AFF2: variants seen among roughly 807,000 people sequenced by gnomAD.
AFF2 encodes the protein ALF transcription elongation factor 2.
In AFF2, 14 loss-of-function variants were observed where a neutral mutation model predicts 76.9. The ratio of observed to expected loss-of-function variants is 0.18; its 90% confidence interval spans 0.12 to 0.28. AFF2 has a LOEUF of 0.28. AFF2 is among the 10% of genes least tolerant of loss of function. The pLI is 1.00. For missense variants in AFF2, 868 were observed against 1,001.1 expected, an observed-to-expected ratio of 0.87 and a Z score of 1.79; for synonymous variants, 398 against 366.7, an observed-to-expected ratio of 1.09 and a Z score of -0.98.
intron 7 of AFF2, among the ~76,000 whole-genome samples, chrX:148,872,056 G>C (rs145238859): frequency 0.012 from 1,366 of 111,024 alleles, 25 homozygotes; most frequent in African/African-American, 0.042. Context: ...GGCCACTGTG[G>C]ATTGCCAGAC....
intron 3 of AFF2, among the ~76,000 whole-genome samples, chrX:148,705,755 T>A (rs1364428978): frequency 8.9e-6 from 1 of 111,976 alleles, no homozygotes; most frequent in Non-Finnish European, 1.9e-5. Flanking sequence ...AATGTGTGCC[T>A]CATCTTGAGT....
intron 19 of AFF2, among the ~76,000 whole-genome samples, chrX:148,983,953 C>CAAAGAAAAAAAAAAAAAAAAAAAAA (rs2072427620): frequency 3.4e-5 from 1 of 29,124 alleles, no homozygotes; most frequent in Non-Finnish European, 5.9e-5. Flanking sequence ...GTGAAATAGA[C>CAAAGAAAAAAAAAAAAAAAAAAAAA]AAAAAAAAAA....
At chrX:148,636,799 AG>A (rs781936510) in intron 1 of AFF2, among the ~76,000 whole-genome samples, 5 of 102,132 alleles carry the variant, frequency 4.9e-5, no homozygotes, top group Non-Finnish European at 1.0e-4. Flanking sequence ...ACCTATTGTA[AG>A]TACCTTGGGA....
chrX:148,693,818 A>C (rs1369319781), intron 3 of AFF2, among the ~76,000 whole-genome samples: 1 of 112,271 alleles, frequency 8.9e-6, no homozygotes, highest in Non-Finnish European at 1.9e-5. Context: ...ACCTGGCAAC[A>C]AGTTATTATG....
chrX:148,887,533 T>G (rs1302886261), intron 8 of AFF2, among the ~76,000 whole-genome samples: 2 of 112,406 alleles, frequency 1.8e-5, no homozygotes, highest in Non-Finnish European at 1.9e-5. Flanking sequence ...TAATCTACTT[T>G]TTAACTTATA....
Position 148,991,894 on chromosome X carries a change from A to G in AFF2, c.*562A>G, listed in dbSNP as rs782561038. The G allele has an allele frequency of 8.9e-6, 1 of 112,572 alleles. No individual in the cohort carries two copies. The highest frequency in any genetic ancestry group is 3.7e-4 in the South Asian group (1 of 2,699). The allele number at this position is 112,572 out of a possible 1,213,427, so 9.3% of individuals were successfully genotyped here. On this transcript the variant is annotated 3_prime_UTR_variant, in exon 21 of 21. Coordinates refer to ENST00000370460, the MANE Select transcript of AFF2 (RefSeq NM_002025.4). ...ACATCATAAAATCAAGAGTATCAAG[A>G]AAATAAATGAGCATAGCAATGCTAC...
intron 3 of AFF2, among the ~76,000 whole-genome samples, chrX:148,786,590 A>G (rs1195346231): frequency 9.0e-6 from 1 of 111,038 alleles, no homozygotes; most frequent in Non-Finnish European, 1.9e-5. Context: ...CTTTGTATAC[A>G]TTTCTACATT....
intron 19 of AFF2, among the ~76,000 whole-genome samples, chrX:148,985,222 G>C (rs1291187621): frequency 2.9e-5 from 3 of 102,599 alleles, no homozygotes; most frequent in Non-Finnish European, 3.9e-5. Flanking sequence ...CTGACCTCAG[G>C]TGATCCGACC....
intron 15 of AFF2, 76 bp downstream of exon 15, chrX:148,967,768 C>G (rs1291621471): frequency 9.8e-7 from 1 of 1,024,288 alleles, no homozygotes; most frequent in African/African-American, 1.9e-5. Context: ...AAGCACTTTT[C>G]CAAACAAATT....
At chrX:148,644,097 GTCTAC>G (rs2054117352) in intron 1 of AFF2, among the ~76,000 whole-genome samples, 1 of 111,644 alleles carries the variant, frequency 9.0e-6, no homozygotes, top group Admixed American at 9.5e-5. Context: ...CCATTTGAGT[GTCTAC>G]CTATGCTTGC....
At chrX:148,973,953 G>T (rs1464660568) in intron 16 of AFF2, among the ~76,000 whole-genome samples, 1 of 111,553 alleles carries the variant, frequency 9.0e-6, no homozygotes, top group Non-Finnish European at 1.9e-5. Flanking sequence ...CAAAAAAATG[G>T]TGCTCTCAGG....
chrX:148,626,837 G>A (rs1463941223), intron 1 of AFF2, among the ~76,000 whole-genome samples: 1 of 111,215 alleles, frequency 9.0e-6, no homozygotes, highest in Non-Finnish European at 1.9e-5. Context: ...TTAATTTAAT[G>A]CGGTGCTAAA....
chrX:148,864,849 T>C (rs1404291919), intron 7 of AFF2, among the ~76,000 whole-genome samples: 1 of 112,091 alleles, frequency 8.9e-6, no homozygotes, highest in Admixed American at 9.5e-5. Context: ...TCTCATCTGA[T>C]GATGAGTGAA....
intron 1 of AFF2, among the ~76,000 whole-genome samples, chrX:148,608,228 A>T (rs1374353697): frequency 4.5e-5 from 5 of 111,854 alleles, no homozygotes; most frequent in Non-Finnish European, 9.4e-5. Flanking sequence ...GACATACCCC[A>T]TTGTGTCAAC....
At chrX:148,597,660 G>A (rs781811482) in intron 1 of AFF2, among the ~76,000 whole-genome samples, 1 of 111,911 alleles carries the variant, frequency 8.9e-6, no homozygotes, top group South Asian at 3.7e-4. Context: ...ACAGAACTAC[G>A]TTTCATGCAG....
chrX:148,723,842 T>C (rs2055122607), intron 3 of AFF2, among the ~76,000 whole-genome samples: 1 of 111,349 alleles, frequency 9.0e-6, no homozygotes, highest in South Asian at 3.8e-4. Flanking sequence ...CTGTCACCTG[T>C]CCTTCTGTCC....
chrX:148,907,521 C>G (rs1050194066), intron 9 of AFF2, among the ~76,000 whole-genome samples: 1 of 110,929 alleles, frequency 9.0e-6, no homozygotes, highest in African/African-American at 3.3e-5. Context: ...GCTGGGTGTC[C>G]GGGGGGGACA....
intron 3 of AFF2, among the ~76,000 whole-genome samples, chrX:148,708,671 G>C (rs182852115): frequency 8.9e-6 from 1 of 111,859 alleles, no homozygotes; most frequent in East Asian, 2.8e-4. Flanking sequence ...CCAAGATCGC[G>C]CCACCGCACT....
chrX:148,534,015 TG>T (rs1557236250), intron 1 of AFF2, among the ~76,000 whole-genome samples: 1 of 112,287 alleles, frequency 8.9e-6, no homozygotes, highest in Non-Finnish European at 1.9e-5. Context: ...TTGCCACTTT[TG>T]CCAGACATCC....
Sources: allele counts gnomAD v4.1 joint callset (sites outside exome capture counted in the v4.1 genomes callset), GRCh38; gene constraint gnomAD v4.1.1; transcripts MANE v1.5; gene names NCBI Gene and HGNC (gene_info 2026-07-23, HGNC 2026-07-21).